DNAH11: variants seen among roughly 807,000 people sequenced by gnomAD.
The protein encoded by DNAH11 is dynein axonemal heavy chain 11.
In DNAH11, 442 loss-of-function variants were observed where a neutral mutation model predicts 526.0. The ratio of observed to expected loss-of-function variants is 0.84; its 90% CI spans 0.78 to 0.91. The LOEUF (loss-of-function observed/expected upper bound fraction) is 0.91, where lower values mean the gene tolerates loss of function less well. Ranked by LOEUF, DNAH11 falls within the 40% of genes least tolerant of loss-of-function variation. The probability of loss-of-function intolerance (pLI) is 0.00; values close to 1 mark genes in which losing one functional copy is unlikely to be tolerated. For missense variants in DNAH11, 6,989 were observed against 5,448.7 expected, an observed-to-expected ratio of 1.28 and a Z score of -8.90; for synonymous variants, 2,461 against 1,935.9, an observed-to-expected ratio of 1.27 and a Z score of -7.12.
At chr7:21,732,852 T>C (rs1182753133) in intron 45 of DNAH11, among the ~76,000 whole-genome samples, 1 of 152,204 alleles carries the variant, frequency 6.6e-6, no homozygotes, top group African/African-American at 2.4e-5. Context: ...TCATATCTTT[T>C]TGTTAAGAGT....
chr7:21,820,192 C>T (rs58897565), intron 65 of DNAH11, among the ~76,000 whole-genome samples: 13,705 of 152,206 alleles, frequency 0.09, 641 homozygotes, highest in Middle Eastern at 0.12. Flanking sequence ...TAAACCTTCT[C>T]TGAGCACTGC....
At chr7:21,602,936 A>G (rs1312359844) in intron 18 of DNAH11, among the ~76,000 whole-genome samples, 8 of 152,122 alleles carry the variant, frequency 5.3e-5, no homozygotes, top group Non-Finnish European at 1.2e-4. Flanking sequence ...AAAATGTACA[A>G]TTTAGTACAA....
Position 21,824,831 on chromosome 7 carries a change from A to G in DNAH11, c.10691+6492A>G, listed in dbSNP as rs562646534. 1.9e-4 allele frequency among the ~76,000 whole-genome samples: 29 copies of G among 152,346 alleles called. No homozygotes were observed. The South Asian group carries it at 5.8e-3, about 30-fold the overall frequency. On this transcript the variant is annotated intron_variant, in intron 65 of 81. Transcript: ENST00000409508. ...CTCAATCATATGTTTCTAAGATTTA[A>G]TCTACATTGCTCCTTCTGGCTCTAG... is the stretch of plus-strand genomic sequence containing the variant.
rs887297770 is a variant in DNAH11 at position 21,710,618 on chromosome 7, A to G, written c.6749A>G (p.His2250Arg). Residue 2250 changes from histidine to arginine, a missense_variant, in exon 41 of 82, where the codon CAT becomes CGT. By Grantham distance (29) the His-to-Arg change is conservative. Coordinates refer to ENST00000409508, the MANE Select transcript of DNAH11 (RefSeq NM_001277115.2). The part of the protein sequence containing the change: ...SILREQANLK[H>R]DGPKWIVLDG... ...CTACGAGAACAAGCAAATCTTAAGC[A>G]TGATGGACCAAAATGGATAGTCCTG... is the stretch of plus-strand genomic sequence containing the variant. The G allele has an allele frequency of 6.2e-7, 1 of 1,613,434 alleles. No individual in the cohort carries two copies. Among genetic ancestry groups the G allele is most frequent in the Non-Finnish European group, 8.5e-7 (1 of 1,179,584 alleles).
chr7:21,593,951 A>T (rs899483628), intron 14 of DNAH11, among the ~76,000 whole-genome samples: 2 of 149,768 alleles, frequency 1.3e-5, no homozygotes, highest in Admixed American at 6.7e-5. Context: ...ACACACACAT[A>T]CTCTTTTTCT....
chr7:21,691,572 T>A (rs1783632202), intron 35 of DNAH11, among the ~76,000 whole-genome samples: 1 of 152,170 alleles, frequency 6.6e-6, no homozygotes, highest in Admixed American at 6.5e-5. Context: ...TAGAAAAGAA[T>A]AAAGAAAAAG....
chr7:21,665,966 G>C (rs778579137), intron 30 of DNAH11, among the ~76,000 whole-genome samples: 1 of 152,040 alleles, frequency 6.6e-6, no homozygotes, highest in Non-Finnish European at 1.5e-5. Flanking sequence ...CCATCTGCTG[G>C]AGTGTGCTTT....
In DNAH11 at chr7:21,880,794, G is replaced by T. The variant is rs72658820; in HGVS notation, c.12288G>T (p.Arg4096Ser). ...YFHACVAGRL[R>S]FGPQGWSRSY... ...ACGCCTGTGTTGCTGGGAGACTGAG[G>T]TTTGGCCCCCAGGGCTGGAGCCGAA... Residue 4096 changes from arginine (R) to serine (S), a missense_variant, in exon 75 of 82, where the codon AGG becomes AGT. By Grantham distance (110) the Arg-to-Ser change is moderately radical (BLOSUM62 -1). Coordinates refer to ENST00000409508, the MANE Select transcript of DNAH11 (RefSeq NM_001277115.2). 6.2e-6 allele frequency: 10 copies of T among 1,613,942 alleles called. No homozygotes were observed. The South Asian group carries it at 1.1e-4, about 18-fold the overall frequency.
intron 51 of DNAH11, 54 bp from the exon 52 acceptor site, chr7:21,748,526 A>G (rs1366296149): frequency 3.6e-6 from 5 of 1,398,400 alleles, no homozygotes; most frequent in Middle Eastern, 1.9e-4. Context: ...CAGAACAGAC[A>G]TAGTCCCGGG....
intron 65 of DNAH11, among the ~76,000 whole-genome samples, chr7:21,836,655 A>G (rs929394632): frequency 6.6e-6 from 1 of 152,132 alleles, no homozygotes; most frequent in African/African-American, 2.4e-5. Context: ...AGAAAACATT[A>G]GGGGAATGCT....
chr7:21,770,510 G>A (rs1787390687), intron 55 of DNAH11, among the ~76,000 whole-genome samples: 1 of 152,148 alleles, frequency 6.6e-6, no homozygotes, highest in Non-Finnish European at 1.5e-5. Context: ...AGTTCCTGCT[G>A]TGAATTTGCA....
rs1198752131 is a variant in DNAH11, at chr7:21,860,212, A to G, written c.11203-1641A>G. On this transcript the variant is annotated intron_variant, in intron 68 of 81. Coordinates refer to ENST00000409508, the MANE Select transcript of DNAH11 (RefSeq NM_001277115.2). ...ACAAACATATGAAAAAATACTCAAC[A>G]TTAACAATTTTTAGGGAGATGCAAC... Among the ~76,000 whole-genome samples the G allele has an allele frequency of 3.9e-5, 6 of 152,208 alleles. No homozygotes were observed. In the East Asian group the frequency reaches 9.7e-4, roughly 24 times the overall value.
At chr7:21,795,122 C>G (rs565988801) in intron 61 of DNAH11, among the ~76,000 whole-genome samples, 1 of 152,150 alleles carries the variant, frequency 6.6e-6, no homozygotes, top group African/African-American at 2.4e-5. Flanking sequence ...TGGTGACATC[C>G]CTTTGTGTTC....
At chr7:21,678,656 G>T (rs896986887) in intron 30 of DNAH11, among the ~76,000 whole-genome samples, 8 of 152,078 alleles carry the variant, frequency 5.3e-5, no homozygotes, top group Non-Finnish European at 1.0e-4. Flanking sequence ...GCAGTACAGA[G>T]ATTTTAACAA....
At chr7:21,701,291 T>C (rs1583607288) in intron 36 of DNAH11, among the ~76,000 whole-genome samples, 1 of 117,238 alleles carries the variant, frequency 8.5e-6, no homozygotes, top group East Asian at 5.6e-4. Flanking sequence ...ACTTTTTACT[T>C]TTTTTTTTTT....
In DNAH11 at chr7:21,787,599, T is replaced by C; in HGVS notation, c.9924+16T>C. 1 of 1,589,976 alleles carries C rather than the reference T, an allele frequency of 6.3e-7. No individual in the cohort carries two copies. The highest frequency in any genetic ancestry group is 1.3e-5 in the African/African-American group (1 of 74,430). ...ATTCTATGAGGTATCAATCCTAAATTGATTGTTTACAGATGTTCTCCACAA... is the reference window on the plus strand; with the variant it reads ...ATTCTATGAGGTATCAATCCTAAATCGATTGTTTACAGATGTTCTCCACAA... On this transcript the variant is annotated intron_variant, in intron 60 of 81. Transcript: ENST00000409508.
Position 21,571,799 on chromosome 7 carries a change from T to G in DNAH11, c.1426-7T>G, listed in dbSNP as rs190994097. On this transcript the variant is annotated splice_region_variant and splice_polypyrimidine_tract_variant and intron_variant, in intron 7 of 81. Transcript: ENST00000409508. ...GTGGAAAGGTCTTTACTGTGTTTTT[T>G]ACAAAGGATATATTTGCCACCACTT... 6.2e-7 allele frequency: 1 copy of G among 1,602,676 alleles called. No homozygotes were observed. The highest frequency in any genetic ancestry group is 2.2e-5 in the East Asian group (1 of 44,694).
At chr7:21,849,253 C>T (rs187492488) in intron 66 of DNAH11, among the ~76,000 whole-genome samples, 15 of 152,332 alleles carry the variant, frequency 9.8e-5, no homozygotes, top group East Asian at 5.8e-4. Flanking sequence ...AGACTATTCT[C>T]ATTTCCTCCC....
chr7:21,869,403 A>G lies in DNAH11; in HGVS notation c.11967+412A>G, dbSNP rs565588594. Among the ~76,000 whole-genome samples the G allele has an allele frequency of 5.9e-5, 9 of 152,124 alleles. No individual in the cohort carries two copies. The South Asian group carries it at 1.9e-3, about 32-fold the overall frequency. The stretch of plus-strand genomic sequence containing the variant: ...TTGTTGCAGAATTTTGCTCCTTAGC[A>G]TAGCTAAAACCAGGTCCTTGTCACA... On this transcript the variant is annotated intron_variant, in intron 73 of 81. Transcript: ENST00000409508.
Sources: gnomAD v4.1 joint callset for allele counts (sites outside exome capture counted in the v4.1 genomes callset) on GRCh38, gnomAD v4.1.1 for gene constraint, MANE v1.5 for transcripts, NCBI Gene and HGNC (gene_info 2026-07-23, HGNC 2026-07-21) for gene names.